Variants in GGA3 observed in about 807,000 individuals in gnomAD.
The protein encoded by GGA3 is ADP-ribosylation factor-binding protein GGA3.
In GGA3, 57 loss-of-function variants were observed where a neutral mutation model predicts 77.5. The ratio of observed to expected loss-of-function variants is 0.74; its 90% confidence interval spans 0.59 to 0.92. GGA3 has a LOEUF of 0.92. Among genes scored for constraint, GGA3 ranks in the 40% least tolerant of loss-of-function variants. GGA3 has a pLI of 0.00. For missense variants in GGA3, 970 were observed against 914.9 expected, an observed-to-expected ratio of 1.06 and a Z score of -0.78; for synonymous variants, 416 against 383.7, an observed-to-expected ratio of 1.08 and a Z score of -0.98.
chr17:75,246,732 C>T lies in GGA3; in HGVS notation c.105G>A (p.Gln35=), dbSNP rs765237355. ...CTCACCCTTCCAGCTCCTTGTTGAT[C>T]TGATCACAGAAGCCAATTATGTATT... The part of the protein sequence containing the change: ...DWEYIIGFCD[Q]INKELEGPQI... Residue 35 remains glutamine (Q), a synonymous_variant, in exon 2 of 17, where the codon CAG becomes CAA. Transcript: ENST00000537686. The T allele has an allele frequency of 6.0e-5, 97 of 1,613,864 alleles. 1 individual carries two copies. In the Admixed American group the frequency reaches 1.6e-3, roughly 27 times the overall value.
At chr17:75,261,468 G>C in intron 1 of GGA3, 80 bp downstream of exon 1, 1 of 1,182,880 alleles carries the variant, frequency 8.5e-7, no homozygotes, top group East Asian at 3.0e-5. Context: ...ACGCCGTGGA[G>C]CCCGGGGAGG....
At chr17:75,258,389 TGG>T (rs2077228374) in intron 1 of GGA3, among the ~76,000 whole-genome samples, 2 of 152,186 alleles carry the variant, frequency 1.3e-5, no homozygotes, top group Non-Finnish European at 2.9e-5. Context: ...TCGGCTGGGC[TGG>T]GCGTGGTAGC....
At position 75,240,160 on chromosome 17, in the gene GGA3, C is replaced by T. The variant is rs1042220121; in HGVS notation, c.1264-52G>A. 24 of 1,309,690 alleles carry T rather than the reference C, an allele frequency of 1.8e-5. 1 individual carries two copies. In the African/African-American group the frequency reaches 2.4e-4, roughly 13 times the overall value. 81.1% of individuals were successfully genotyped at this position (1,309,690 alleles called of 1,614,324 possible). On this transcript the variant is annotated intron_variant, in intron 12 of 16. Transcript: ENST00000537686. ...CCGAGGGCGGGTGGGGAGGGCCTGCCGCTGGAACGGGGCGCAGCCCTCCAA... is the reference window on the plus strand; with the variant it reads ...CCGAGGGCGGGTGGGGAGGGCCTGCTGCTGGAACGGGGCGCAGCCCTCCAA...
At chr17:75,249,238 G>A (rs1249208182) in intron 1 of GGA3, among the ~76,000 whole-genome samples, 1 of 152,132 alleles carries the variant, frequency 6.6e-6, no homozygotes, top group Non-Finnish European at 1.5e-5. Flanking sequence ...TAGAGATGGG[G>A]TTTCGCCATG....
intron 1 of GGA3, among the ~76,000 whole-genome samples, chr17:75,253,519 G>A (rs1406474839): frequency 2.6e-5 from 4 of 152,056 alleles, no homozygotes; most frequent in African/African-American, 7.2e-5. Context: ...TCTGGGGGAG[G>A]GGCAAGTACC....
chr17:75,238,724 T>A lies in GGA3; in HGVS notation c.1989A>T (p.Glu663Asp), dbSNP rs763168592. 2.5e-6 allele frequency: 4 copies of A among 1,613,228 alleles called. No homozygotes were observed. The African/African-American group carries it at 5.4e-5, about 22-fold the overall frequency. Residue 663 changes from glutamate (E) to aspartate (D), a missense_variant, in exon 16 of 17, where the codon GAA becomes GAT. Transcript: ENST00000537686. The stretch of plus-strand genomic sequence containing the variant: ...GCTGGATGGGGCTAAATGGAGAGAG[T>A]TCTGTCCCAGAAGGTGGCTGCAACT... ...KVKLQPPSGT[E>D]LSPFSPIQPP... is the part of the protein sequence containing the mutation.
At chr17:75,250,285 T>C (rs541137223) in intron 1 of GGA3, among the ~76,000 whole-genome samples, 7 of 152,188 alleles carry the variant, frequency 4.6e-5, no homozygotes, top group Non-Finnish European at 1.0e-4. Flanking sequence ...ATGGTTTCTG[T>C]CTATTTTCGA....
intron 4 of GGA3, 84 bp from the exon 5 acceptor site, chr17:75,243,654 G>T: frequency 7.2e-7 from 1 of 1,389,506 alleles, no homozygotes. Flanking sequence ...GCAATGGCGT[G>T]GCTGCTCAGC....
In GGA3 at chr17:75,238,768, G is replaced by C; in HGVS notation, c.1951-6C>G. On this transcript the variant is annotated splice_region_variant and splice_polypyrimidine_tract_variant and intron_variant, in intron 15 of 16. Transcript: ENST00000537686. ...TGCAACTTCACTTTCATTGACTAAA[G>C]AGAGAGAAACTCCTTTGAAGAGAAC... is the stretch of plus-strand genomic sequence containing the variant. The C allele has an allele frequency of 1.2e-6, 2 of 1,609,496 alleles. No homozygotes were observed. The highest frequency in any genetic ancestry group is 1.7e-6 in the Non-Finnish European group (2 of 1,176,542).
At chr17:75,241,152 C>T (rs2076541594) in intron 10 of GGA3, 95 bp from the exon 11 acceptor site, 1 of 1,392,222 alleles carries the variant, frequency 7.2e-7, no homozygotes. Context: ...GTCACTGCTA[C>T]AGCCTCTGGC....
chr17:75,238,581 G>A (rs376908216), intron 16 of GGA3, 71 bp downstream of exon 16: 7 of 1,119,128 alleles, frequency 6.3e-6, no homozygotes, highest in Non-Finnish European at 8.0e-6. Context: ...GCTGGGAGGT[G>A]GTGGGCCTGA....
intron 1 of GGA3, among the ~76,000 whole-genome samples, chr17:75,257,128 G>A (rs2077177423): frequency 6.6e-6 from 1 of 152,046 alleles, no homozygotes; most frequent in Non-Finnish European, 1.5e-5. Context: ...AACTTAAAAA[G>A]GACTGGACAA....
Position 75,236,778 on chromosome 17 carries a change from C to G in GGA3, c.*1501G>C, listed in dbSNP as rs2076334250. ...CCACATAGTAATTCCACAGACATTC[C>G]CAGGGCTGCAGCAGCCAGTCTCTGG... On this transcript the variant is annotated 3_prime_UTR_variant, in exon 17 of 17. Coordinates refer to ENST00000537686, the MANE Select transcript of GGA3 (RefSeq NM_138619.4). 6.5e-6 allele frequency: 1 copy of G among 154,040 alleles called. No homozygotes were observed. Among genetic ancestry groups the G allele is most frequent in the African/African-American group, 2.4e-5 (1 of 41,440 alleles). The allele number at this position is 154,040 out of a possible 1,614,324, so 9.5% of individuals were successfully genotyped here. A position where few individuals can be genotyped will look rare whatever the true frequency, so the allele number is the denominator to read the frequency against.
chr17:75,252,256 G>A (rs1014818520), intron 1 of GGA3, among the ~76,000 whole-genome samples: 1 of 150,784 alleles, frequency 6.6e-6, no homozygotes, highest in Non-Finnish European at 1.5e-5. Context: ...AGAGATGGGG[G>A]TCTCACTCTA....
chr17:75,251,518 T>C (rs1239492704), intron 1 of GGA3, among the ~76,000 whole-genome samples: 1 of 151,762 alleles, frequency 6.6e-6, no homozygotes, highest in Non-Finnish European at 1.5e-5. Flanking sequence ...CCAGCCTGGC[T>C]AAGATAGTGA....
At position 75,240,964 on chromosome 17, in the gene GGA3, G is replaced by C. The variant is rs769369624; in HGVS notation, c.1040C>G (p.Thr347Ser). Residue 347 changes from threonine to serine, a missense_variant, in exon 11 of 17, where the codon ACT becomes AGT. By Grantham distance (58) the Thr-to-Ser change is moderately conservative. Transcript: ENST00000537686. ...GATTGGGATGCCTGAGGAGGGTGGA[G>C]TAGGTGCTGGGGCCAACACGGAGGA... ...SLSSVLAPAPTPPSSGIPILP... is the reference protein window; with the variant it reads ...SLSSVLAPAPSPPSSGIPILP... The C allele has an allele frequency of 6.2e-7, 1 of 1,614,150 alleles. No homozygotes were observed. Among genetic ancestry groups the C allele is most frequent in the Non-Finnish European group, 8.5e-7 (1 of 1,179,994 alleles).
intron 1 of GGA3, among the ~76,000 whole-genome samples, chr17:75,249,195 G>A (rs1176513016): frequency 2.0e-5 from 3 of 150,766 alleles, no homozygotes; most frequent in Non-Finnish European, 4.4e-5. Flanking sequence ...ATAGGCATGC[G>A]CCACTATGCC....
rs768296895 is a variant in GGA3, at chr17:75,261,579, C to G, written c.9G>C (p.Glu3Asp). Reference sequence around the variant, plus strand: ...AGGACTCCAGGCTTTCCCCTTCCGCCTCCGCCATATTGCAGCCGCCCGGCC... The same window carrying G: ...AGGACTCCAGGCTTTCCCCTTCCGCGTCCGCCATATTGCAGCCGCCCGGCC... MAEAEGESLESWL... is the reference protein window; with the variant it reads MADAEGESLESWL... Residue 3 changes from glutamate to aspartate, a missense_variant, in exon 1 of 17, where the codon GAG becomes GAC. Transcript: ENST00000537686. The G allele has an allele frequency of 1.3e-6, 2 of 1,554,476 alleles. No individual in the cohort carries two copies. Among genetic ancestry groups the G allele is most frequent in the Non-Finnish European group, 1.7e-6 (2 of 1,152,980 alleles).
intron 8 of GGA3, chr17:75,242,013 T>C (rs753553817): frequency 7.8e-5 from 42 of 539,126 alleles, no homozygotes; most frequent in Non-Finnish European, 7.4e-5. Context: ...GCATCAGGGT[T>C]ACAAGGAAGC....
Sources: allele counts gnomAD v4.1 joint callset (sites outside exome capture counted in the v4.1 genomes callset), GRCh38; gene constraint gnomAD v4.1.1; transcripts MANE v1.5; gene names NCBI Gene and HGNC (gene_info 2026-07-23, HGNC 2026-07-21).